The following PCDH1 variants were observed in gnomAD, a reference collection of about 807,000 sequenced individuals.
The protein encoded by PCDH1 is protocadherin 1.
PCDH1 carries 23 observed loss-of-function variants against 74.6 expected under a neutral mutation model. That is an observed-to-expected ratio of 0.31 (90% confidence interval 0.22 to 0.44). The LOEUF (loss-of-function observed/expected upper bound fraction) is 0.44, where lower values mean the gene tolerates loss of function less well. Among genes scored for constraint, PCDH1 ranks in the 20% least tolerant of loss-of-function variants. The probability of loss-of-function intolerance (pLI) is 1.00; values close to 1 mark genes in which losing one functional copy is unlikely to be tolerated. For missense variants in PCDH1, 1,214 were observed against 1,641.4 expected (o/e 0.74, Z 4.50); for synonymous variants, 647 against 686.1 (o/e 0.94, Z 0.89).
intron 1 of PCDH1, among the ~76,000 whole-genome samples, chr5:141,876,417 C>A (rs558678235): frequency 1.1e-4 from 17 of 152,300 alleles, no homozygotes; most frequent in African/African-American, 4.1e-4. Flanking sequence ...AGGGAGCCGG[C>A]GCCGGAATCA....
At position 141,869,718 on chromosome 5, in the gene PCDH1, G is replaced by A; in HGVS notation, c.41-287C>T. The A allele has an allele frequency of 1.0e-5, 15 of 1,482,658 alleles. No individual in the cohort carries two copies. The highest frequency in any genetic ancestry group is 1.3e-5 in the Non-Finnish European group (15 of 1,116,160). 91.8% of individuals were successfully genotyped at this position (1,482,658 alleles called of 1,614,324 possible). The stretch of plus-strand genomic sequence containing the variant: ...CACCCTCACCCACCTGACGCTCCCT[G>A]GGCCCAAGCCCGGCTGCCCGCCCTC... On this transcript the variant is annotated intron_variant, in intron 1 of 4. Transcript: ENST00000287008. The surrounding 1 kb of genome is among the most constrained non-coding windows in gnomAD (Gnocchi z 4.9).
At position 141,871,154 on chromosome 5, in the gene PCDH1, G is replaced by A. The variant is rs373131030; in HGVS notation, c.41-1723C>T. 3.5e-4 allele frequency among the ~76,000 whole-genome samples: 53 copies of A among 152,322 alleles called. No individual in the cohort carries two copies. In the South Asian group the frequency reaches 7.7e-3, roughly 22 times the overall value. On this transcript the variant is annotated intron_variant, in intron 1 of 4. Coordinates refer to ENST00000287008, the MANE Select transcript of PCDH1 (RefSeq NM_032420.5). Reference sequence around the variant, plus strand: ...TTTCCAGGCAAACACAAAGCACTACGAAGGAAGGGACAGTACTCTGTACAC... The same window carrying A: ...TTTCCAGGCAAACACAAAGCACTACAAAGGAAGGGACAGTACTCTGTACAC...
chr5:141,853,279 G>A lies in PCDH1; in HGVS notation c.*763C>T, dbSNP rs142220713. The A allele has an allele frequency of 8.1e-3, 1,225 of 151,978 alleles. 9 individuals carry two copies. The highest frequency in any genetic ancestry group is 0.013 in the Non-Finnish European group (855 of 68,088). The allele number at this position is 151,978 out of a possible 1,614,324, so 9.4% of individuals were successfully genotyped here. A position where few individuals can be genotyped will look rare whatever the true frequency, so the allele number is the denominator to read the frequency against. On this transcript the variant is annotated 3_prime_UTR_variant, in exon 5 of 5. Coordinates refer to ENST00000287008, the MANE Select transcript of PCDH1 (RefSeq NM_032420.5). Reference sequence around the variant, plus strand: ...AGAGGCCTGGGTTGGGGGGCACTGCGGCAGGGAGGAGGGGGCACAGGGCAG... The same window carrying A: ...AGAGGCCTGGGTTGGGGGGCACTGCAGCAGGGAGGAGGGGGCACAGGGCAG...
intron 1 of PCDH1, among the ~76,000 whole-genome samples, chr5:141,872,589 G>T (rs1243989477): frequency 6.6e-6 from 1 of 152,140 alleles, no homozygotes; most frequent in Non-Finnish European, 1.5e-5. Context: ...CAAGAGCTAC[G>T]AATTAAGCCC....
rs970918965 is a variant in PCDH1 at position 141,854,427 on chromosome 5, G to A, written c.3329C>T (p.Pro1110Leu). The A allele has an allele frequency of 6.2e-7, 1 of 1,608,310 alleles. No homozygotes were observed. Among genetic ancestry groups the A allele is most frequent in the East Asian group, 2.2e-5 (1 of 44,794 alleles). Residue 1110 changes from proline (P) to leucine (L), a missense_variant, in exon 5 of 5, where the codon CCT (proline) becomes CTT (leucine). Around this residue, in one of 4 missense-constraint regions of PCDH1, gnomAD observed 194 missense variants for 198.3 expected, o/e 0.98. Coordinates refer to ENST00000287008, the MANE Select transcript of PCDH1 (RefSeq NM_032420.5). ...GCCTGTCATGGCGACATCAGGCAAAGGGCGAAGGTCTGTAGGAGGGAGCGG... is the reference window on the plus strand; with the variant it reads ...GCCTGTCATGGCGACATCAGGCAAAAGGCGAAGGTCTGTAGGAGGGAGCGG... ...EMEHPENDLR[P>L]LPDVAMTGTC...
chr5:141,871,816 T>G (rs1753101727), intron 1 of PCDH1, among the ~76,000 whole-genome samples: 1 of 152,144 alleles, frequency 6.6e-6, no homozygotes, highest in Non-Finnish European at 1.5e-5. Flanking sequence ...TCTCTAGGCT[T>G]AGCCTTTCCT....
rs1419007477 is a variant in PCDH1 at position 141,878,357 on chromosome 5, C to A, written c.-95G>T. 1 of 958,382 alleles carries A rather than the reference C, an allele frequency of 1.0e-6. No homozygotes were observed. The highest frequency in any genetic ancestry group is 1.3e-6 in the Non-Finnish European group (1 of 757,862). 59.4% of individuals were successfully genotyped at this position (958,382 alleles called of 1,614,324 possible). A position where few individuals can be genotyped will look rare whatever the true frequency, so the allele number is the denominator to read the frequency against. On this transcript the variant is annotated 5_prime_UTR_variant, in exon 1 of 5. Transcript: ENST00000287008. The surrounding 1 kb of genome is among the most constrained non-coding windows in gnomAD (Gnocchi z 5.5). ...GGCTCCGGCTCCGGCTGGCTCTGGG[C>A]GCAGCAGCCCGGCGGCTTTGCGTCC...
At chr5:141,874,600 G>A (rs1753174477) in intron 1 of PCDH1, among the ~76,000 whole-genome samples, 1 of 152,220 alleles carries the variant, frequency 6.6e-6, no homozygotes, top group Non-Finnish European at 1.5e-5. Context: ...TACTGTCTGT[G>A]TCAACATCTG....
rs1326391005 is a variant in PCDH1, at chr5:141,863,741, C to T, written c.2590G>A (p.Val864Met). Residue 864 changes from valine (V) to methionine (M), a missense_variant, in exon 3 of 5, where the codon GTG becomes ATG. This residue lies in a region of PCDH1 where 836 missense variants were observed against 1,182.2 expected (regional missense o/e 0.71). Coordinates refer to ENST00000287008, the MANE Select transcript of PCDH1 (RefSeq NM_032420.5). The surrounding 1 kb of genome is among the most constrained non-coding windows in gnomAD (Gnocchi z 7.5). ...LFGVVAGVVA[V>M]ALLIALAVLV... Reference sequence around the variant, plus strand: ...ACCGCCAGGGCGATGAGCAAGGCCACGGCCACCACACCAGCCACCACACCA... The same window carrying T: ...ACCGCCAGGGCGATGAGCAAGGCCATGGCCACCACACCAGCCACCACACCA... 1.2e-5 allele frequency: 20 copies of T among 1,614,064 alleles called. No individual in the cohort carries two copies. The highest frequency in any genetic ancestry group is 1.4e-5 in the Non-Finnish European group (17 of 1,180,034).
rs769719426 is a variant in PCDH1 at position 141,863,931 on chromosome 5, G to A, written c.2400C>T (p.Pro800=). The A allele has an allele frequency of 1.9e-6, 3 of 1,614,074 alleles. No individual in the cohort carries two copies. The highest frequency in any genetic ancestry group is 2.2e-5 in the South Asian group (2 of 91,088). Residue 800 remains proline, a synonymous_variant, in exon 3 of 5, where the codon CCC becomes CCT. Coordinates refer to ENST00000287008, the MANE Select transcript of PCDH1 (RefSeq NM_032420.5). The surrounding 1 kb of genome is among the most constrained non-coding windows in gnomAD (Gnocchi z 7.5). ...GGACCAAGGCTGTGCCATAGCGTGG[G>A]GGCTTGCCGCGGTCACTGACCTTCA... The part of the protein sequence containing the change: ...LVVKVSDRGK[P]PRYGTALVHL...
intron 3 of PCDH1, among the ~76,000 whole-genome samples, chr5:141,861,894 G>A (rs981711732): frequency 1.3e-5 from 2 of 152,156 alleles, no homozygotes; most frequent in Non-Finnish European, 2.9e-5. Flanking sequence ...AACCCAGGGT[G>A]GCCAGAGCAA....
chr5:141,865,449 CAAG>C lies in PCDH1; in HGVS notation c.904-25_904-23del, dbSNP rs750929406. ...TCACCTATAGGGCAGGAGAGAAAAA[CAAG>C]GAGAACAGAGATGGTTTAGATCAGG... On this transcript the variant is annotated intron_variant, in intron 2 of 4. Coordinates refer to ENST00000287008, the MANE Select transcript of PCDH1 (RefSeq NM_032420.5). The surrounding 1 kb of genome is among the most constrained non-coding windows in gnomAD (Gnocchi z 4.4). 1.7e-5 allele frequency: 28 copies of C among 1,601,768 alleles called. No individual in the cohort carries two copies. The highest frequency in any genetic ancestry group is 1.2e-4 in the Admixed American group (7 of 59,568).
chr5:141,869,674 G>T lies in PCDH1; in HGVS notation c.41-243C>A. On this transcript the variant is annotated intron_variant, in intron 1 of 4. Coordinates refer to ENST00000287008, the MANE Select transcript of PCDH1 (RefSeq NM_032420.5). This position sits in a 1 kb window ranked among gnomAD's most constrained non-coding sequence, Gnocchi z 4.9. ...CAGTAAGAGGCCTGGCATGCCTAGA[G>T]CAGCTCCCGCCCATGGAACACCCTC... The T allele has an allele frequency of 6.6e-7, 1 of 1,526,394 alleles. No individual in the cohort carries two copies. The highest frequency in any genetic ancestry group is 8.8e-7 in the Non-Finnish European group (1 of 1,141,402). 94.6% of individuals were successfully genotyped at this position (1,526,394 alleles called of 1,614,324 possible).
rs746510856 is a variant in PCDH1, at chr5:141,864,681, A to T, written c.1650T>A (p.Ala550=). The T allele has an allele frequency of 6.2e-7, 1 of 1,614,092 alleles. No individual in the cohort carries two copies. The highest frequency in any genetic ancestry group is 8.5e-7 in the Non-Finnish European group (1 of 1,180,032). Residue 550 remains alanine, a synonymous_variant, in exon 3 of 5, where the codon GCT becomes GCA. Transcript: ENST00000287008. This position sits in a 1 kb window ranked among gnomAD's most constrained non-coding sequence, Gnocchi z 5.9. ...ELVYSLEPEP[A]AKGLFTISPE... ...GTGAGATGGTGAAGAGGCCCTTAGC[A>T]GCCGGCTCAGGCTCCAGAGAGTAAA...
At chr5:141,871,379 G>C (rs1753093283) in intron 1 of PCDH1, among the ~76,000 whole-genome samples, 1 of 152,264 alleles carries the variant, frequency 6.6e-6, no homozygotes, top group Non-Finnish European at 1.5e-5. Flanking sequence ...TGTCCATTTT[G>C]TTTGGTTGCT....
intron 3 of PCDH1, among the ~76,000 whole-genome samples, chr5:141,861,115 CAAAAAAAA>C (rs59007688): frequency 9.7e-5 from 6 of 61,924 alleles, no homozygotes; most frequent in African/African-American, 1.4e-4. Flanking sequence ...AACTCCATCT[CAAAAAAAA>C]AAAAAAAAAA....
intron 2 of PCDH1, among the ~76,000 whole-genome samples, chr5:141,867,121 G>C (rs1002002568): frequency 6.6e-6 from 1 of 152,180 alleles, no homozygotes; most frequent in African/African-American, 2.4e-5. Flanking sequence ...CTTGGCTCTA[G>C]ATTGGTCTTC....
In PCDH1 at chr5:141,863,250, G is replaced by A. The variant is rs1288199531; in HGVS notation, c.3081C>T (p.Pro1027=). The A allele has an allele frequency of 6.3e-7, 1 of 1,589,524 alleles. No homozygotes were observed. ...GGCCTACCTGCTTGCTGGGGTATTT[G>A]GGGGGGTTGGTGCGGTAGCTGTAGT... ...YSDYSYRTNP[P]KYPSKQLPHR... is the part of the protein sequence containing the mutation. The change falls in exon 3 of 5, where the codon CCC becomes CCT. Residue 1027 remains proline (P), a synonymous_variant. Transcript: ENST00000287008. This position sits in a 1 kb window ranked among gnomAD's most constrained non-coding sequence, Gnocchi z 7.5.
In PCDH1 at chr5:141,873,429, C is replaced by T. The variant is rs574182021; in HGVS notation, c.41-3998G>A. Among the ~76,000 whole-genome samples the T allele has an allele frequency of 2.7e-5, 4 of 149,510 alleles. No homozygotes were observed. The South Asian group carries it at 8.6e-4, about 32-fold the overall frequency. ...CTAGGATTACAGGCGTGAGCCACCG[C>T]GCCTGGCCCGGTCCTGCAAACGTTT... On this transcript the variant is annotated intron_variant, in intron 1 of 4. Transcript: ENST00000287008.
Sources: allele counts gnomAD v4.1 joint callset (sites outside exome capture counted in the v4.1 genomes callset), GRCh38; gene constraint gnomAD v4.1.1; regional missense constraint gnomAD v4.1.1; non-coding constraint Gnocchi (gnomAD v3.1); transcripts MANE v1.5; gene names NCBI Gene and HGNC (gene_info 2026-07-23, HGNC 2026-07-21).